CFAP54: variants seen among roughly 807,000 people sequenced by gnomAD.
CFAP54 encodes cilia and flagella associated protein 54.
CFAP54 carries 290 observed loss-of-function variants against 370.4 expected under a neutral mutation model. The ratio of observed to expected loss-of-function variants is 0.78; its 90% CI spans 0.71 to 0.86. The LOEUF (loss-of-function observed/expected upper bound fraction) is 0.86, where lower values mean the gene tolerates loss of function less well. Among genes scored for constraint, CFAP54 ranks in the 40% least tolerant of loss-of-function variants. CFAP54 has a pLI of 0.00. For missense variants in CFAP54, 3,399 were observed against 3,528.7 expected, an observed-to-expected ratio of 0.96 and a Z score of 0.93; for synonymous variants, 1,206 against 1,236.5, an observed-to-expected ratio of 0.98 and a Z score of 0.52.
intron 17 of CFAP54, among the ~76,000 whole-genome samples, chr12:96,557,466 T>C (rs1274556524): frequency 6.6e-6 from 1 of 152,152 alleles, no homozygotes; most frequent in Non-Finnish European, 1.5e-5. Context: ...CTTGAACGTG[T>C]ACACCAACTA....
intron 26 of CFAP54, among the ~76,000 whole-genome samples, chr12:96,600,696 T>C (rs1956230406): frequency 6.6e-6 from 1 of 150,762 alleles, no homozygotes; most frequent in African/African-American, 2.4e-5. Flanking sequence ...TTTGGATTCC[T>C]AGGTATTTTA....
intron 50 of CFAP54, among the ~76,000 whole-genome samples, chr12:96,738,573 A>G (rs960018190): frequency 6.7e-6 from 1 of 148,992 alleles, no homozygotes; most frequent in Admixed American, 6.7e-5. Context: ...GTCCTCACAT[A>G]ACCTTCCCTC....
At chr12:96,681,212 C>G (rs1957267215) in intron 40 of CFAP54, among the ~76,000 whole-genome samples, 2 of 152,102 alleles carry the variant, frequency 1.3e-5, no homozygotes, top group Admixed American at 1.3e-4. Context: ...TGAATCTCAC[C>G]TGGTACCAAA....
chr12:96,549,534 T>G (rs1034281194), intron 15 of CFAP54, among the ~76,000 whole-genome samples: 1 of 152,196 alleles, frequency 6.6e-6, no homozygotes, highest in African/African-American at 2.4e-5. Flanking sequence ...TCTGCTCAGC[T>G]GTACTGGGCA....
chr12:96,579,715 A>G (rs1013587718), intron 20 of CFAP54, among the ~76,000 whole-genome samples: 2 of 152,100 alleles, frequency 1.3e-5, no homozygotes, highest in East Asian at 3.9e-4. Flanking sequence ...GGTGTCACCT[A>G]GCTCCCTTTT....
chr12:96,630,059 A>C, intron 30 of CFAP54, 34 bp from the exon 31 acceptor site: 2 of 1,118,192 alleles, frequency 1.8e-6, no homozygotes, highest in South Asian at 3.2e-5. Flanking sequence ...AAATTTTTGC[A>C]GGTCTTTTTG....
intron 65 of CFAP54, among the ~76,000 whole-genome samples, chr12:96,820,852 G>A (rs560018755): frequency 6.6e-6 from 1 of 152,124 alleles, no homozygotes; most frequent in South Asian, 2.1e-4. Context: ...CAGTTTTTAA[G>A]CCACATACCA....
At chr12:96,756,432 AT>A in intron 56 of CFAP54, 25 bp from the exon 57 acceptor site, 1 of 1,385,172 alleles carries the variant, frequency 7.2e-7, no homozygotes, top group East Asian at 2.3e-5. Flanking sequence ...AGGAAAAACC[AT>A]CTTTGTATCT....
At chr12:96,549,283 T>G (rs1955671073) in intron 15 of CFAP54, among the ~76,000 whole-genome samples, 1 of 152,214 alleles carries the variant, frequency 6.6e-6, no homozygotes, top group Non-Finnish European at 1.5e-5. Context: ...GATTTTGCCT[T>G]GAGAGATAAA....
chr12:96,538,614 CT>C, intron 13 of CFAP54, 96 bp downstream of exon 13: 1 of 1,252,362 alleles, frequency 8.0e-7, no homozygotes, highest in South Asian at 1.4e-5. Context: ...TATTTTTCAC[CT>C]GGTTAATGAC....
Position 96,721,185 on chromosome 12 carries a change from A to G in CFAP54, c.6965+620A>G, listed in dbSNP as rs78797503. On this transcript the variant is annotated intron_variant, in intron 50 of 67. Transcript: ENST00000524981. ...CTAAACCTTTTTACGAATAAAAGCT[A>G]TGGAGTGTTTTCTTTTTTTCTAAAA... Among the ~76,000 whole-genome samples the G allele has an allele frequency of 9.7e-3, 1,475 of 152,338 alleles. 57 individuals are homozygous for G. The East Asian group carries it at 0.1, about 11-fold the overall frequency.
chr12:96,756,528 T>G lies in CFAP54; in HGVS notation c.7911T>G (p.Ala2637=). ...PSFQLESLYE[A]IQLSLKNDQN... ...TTCAACTTGAGAGTTTATATGAAGC[T>G]ATACAACTAAGCCTGAAAAATGATC... The change falls in exon 57 of 68, where the codon GCT becomes GCG. Residue 2637 remains alanine, a synonymous_variant. Coordinates refer to ENST00000524981, the MANE Select transcript of CFAP54 (RefSeq NM_001306084.2). 9 of 1,605,954 alleles carry G rather than the reference T, an allele frequency of 5.6e-6. No homozygotes were observed. The highest frequency in any genetic ancestry group is 7.7e-6 in the Non-Finnish European group (9 of 1,175,374).
chr12:96,563,466 T>G (rs1358909215), intron 17 of CFAP54, among the ~76,000 whole-genome samples: 1 of 152,184 alleles, frequency 6.6e-6, no homozygotes, highest in Non-Finnish European at 1.5e-5. Flanking sequence ...GCATTCAGAA[T>G]TTTTTTGCAG....
In CFAP54 at chr12:96,517,386, C is replaced by A. The variant is rs77938981; in HGVS notation, c.799-1542C>A. On this transcript the variant is annotated intron_variant, in intron 5 of 67. Coordinates refer to ENST00000524981, the MANE Select transcript of CFAP54 (RefSeq NM_001306084.2). ...CATAGCAAATCAAATACAATGTGAA[C>A]AATTGTTAACTGAAGCTATTTTCAT... Among the ~76,000 whole-genome samples, 177 of 152,232 alleles carry A rather than the reference C, an allele frequency of 1.2e-3. 1 individual carries two copies. The East Asian group carries it at 0.029, about 25-fold the overall frequency.
chr12:96,850,677 A>G (rs1241236299), intron 66 of CFAP54, among the ~76,000 whole-genome samples: 1 of 151,416 alleles, frequency 6.6e-6, no homozygotes, highest in Non-Finnish European at 1.5e-5. Context: ...ACTATCTGAA[A>G]CTGGGTAATT....
intron 9 of CFAP54, among the ~76,000 whole-genome samples, chr12:96,529,621 C>T (rs891552101): frequency 6.6e-6 from 1 of 152,086 alleles, no homozygotes; most frequent in Non-Finnish European, 1.5e-5. Context: ...AACACTTTTT[C>T]ATATACTTTT....
At chr12:96,661,489 A>G (rs1359073693) in intron 38 of CFAP54, among the ~76,000 whole-genome samples, 1 of 152,170 alleles carries the variant, frequency 6.6e-6, no homozygotes, top group East Asian at 1.9e-4. Flanking sequence ...GGCAGTCAGG[A>G]TCATGAGCAG....
intron 21 of CFAP54, 31 bp from the exon 22 acceptor site, chr12:96,580,888 AT>A: frequency 6.6e-6 from 9 of 1,363,822 alleles, no homozygotes; most frequent in Non-Finnish European, 8.7e-6. Flanking sequence ...TTAATTTTTC[AT>A]GTATAACTTG....
At chr12:96,811,865 G>T (rs768403826) in intron 64 of CFAP54, 23 bp downstream of exon 64, 2 of 1,328,564 alleles carry the variant, frequency 1.5e-6, no homozygotes, top group African/African-American at 1.5e-5. Flanking sequence ...TCCACAACTC[G>T]AATTGTCTTT....
Sources: allele counts gnomAD v4.1 joint callset (sites outside exome capture counted in the v4.1 genomes callset), GRCh38; gene constraint gnomAD v4.1.1; transcripts MANE v1.5; gene names NCBI Gene and HGNC (gene_info 2026-07-23, HGNC 2026-07-21).